PNPT1: variants seen among roughly 807,000 people sequenced by gnomAD.
PNPT1 encodes the protein polyribonucleotide nucleotidyltransferase 1.
Under a neutral mutation model 119.5 loss-of-function variants are expected in PNPT1, and 53 were observed. The ratio of observed to expected loss-of-function variants is 0.44; its 90% CI spans 0.36 to 0.56. The LOEUF is 0.56. Ranked by LOEUF, PNPT1 falls within the 20% of genes least tolerant of loss-of-function variation. The pLI, the probability that PNPT1 is intolerant of heterozygous loss-of-function variation, is 0.00. For missense variants in PNPT1, 948 were observed against 938.5 expected, an observed-to-expected ratio of 1.01 and a Z score of -0.13; for synonymous variants, 357 against 322.1, an observed-to-expected ratio of 1.11 and a Z score of -1.16.
At chr2:55,652,105 A>G (rs563933783) in intron 18 of PNPT1, among the ~76,000 whole-genome samples, 3 of 152,176 alleles carry the variant, frequency 2.0e-5, no homozygotes, top group Non-Finnish European at 4.4e-5. Flanking sequence ...CTCTCAGCCA[A>G]TTATGCTCAG....
chr2:55,661,682 T>C (rs144882874), intron 14 of PNPT1, among the ~76,000 whole-genome samples: 6 of 152,340 alleles, frequency 3.9e-5, no homozygotes, highest in African/African-American at 1.4e-4. Flanking sequence ...CAAGGAAGCC[T>C]GTCCTAAGAA....
chr2:55,675,746 G>A (rs183674849), intron 8 of PNPT1, among the ~76,000 whole-genome samples: 7 of 152,112 alleles, frequency 4.6e-5, no homozygotes, highest in Non-Finnish European at 7.4e-5. Context: ...AGTCTACAGA[G>A]CTGTGCTGTC....
At chr2:55,681,844 CA>C (rs374935154) in intron 5 of PNPT1, among the ~76,000 whole-genome samples, 34 of 129,904 alleles carry the variant, frequency 2.6e-4, no homozygotes, top group Admixed American at 3.1e-4. Flanking sequence ...AACTCCATTT[CA>C]AAAAAAAAAA....
rs557649588 is a variant in PNPT1 at position 55,656,176 on chromosome 2, A to G, written c.1396T>C (p.Phe466Leu). Residue 466 changes from phenylalanine (F) to leucine (L), a missense_variant, in exon 17 of 28, where the codon TTT (phenylalanine) becomes CTT (leucine). Transcript: ENST00000447944. ...KALYPVIPRD[F>L]PFTIRVTSEV... ...GATGTAACTCTTATGGTGAAAGGAA[A>G]ATCTCGGGGAATAACAGGATACAAA... is the stretch of plus-strand genomic sequence containing the variant. The G allele has an allele frequency of 2.5e-6, 4 of 1,613,590 alleles. No homozygotes were observed. The highest frequency in any genetic ancestry group is 2.5e-6 in the Non-Finnish European group (3 of 1,179,712).
At position 55,687,709 on chromosome 2, in the gene PNPT1, T is replaced by C. The variant is rs776951007; in HGVS notation, c.162-4A>G. On this transcript the variant is annotated splice_polypyrimidine_tract_variant and splice_region_variant and intron_variant, in intron 1 of 27. Transcript: ENST00000447944. ...TCCAGAAGATATTTCTAATTTCCTG[T>C]TTAAAAATAAAAATGCAATACAAGA... The C allele has an allele frequency of 1.9e-6, 3 of 1,600,482 alleles. No homozygotes were observed. Among genetic ancestry groups the C allele is most frequent in the Non-Finnish European group, 2.6e-6 (3 of 1,173,798 alleles).
intron 13 of PNPT1, among the ~76,000 whole-genome samples, chr2:55,663,457 A>C (rs1217945466): frequency 6.6e-6 from 1 of 152,188 alleles, no homozygotes; most frequent in Non-Finnish European, 1.5e-5. Context: ...AAAATATTTG[A>C]AGAAATAATC....
chr2:55,651,001 C>G (rs1172119088), intron 18 of PNPT1, among the ~76,000 whole-genome samples: 9 of 147,746 alleles, frequency 6.1e-5, no homozygotes, highest in African/African-American at 2.2e-4. Context: ...AGGGGCGCCT[C>G]TGCCCGGCCG....
intron 21 of PNPT1, among the ~76,000 whole-genome samples, chr2:55,646,014 G>C (rs1327460023): frequency 2.6e-5 from 4 of 151,798 alleles, no homozygotes; most frequent in African/African-American, 7.3e-5. Context: ...TTTTAGTAGA[G>C]ACAGGGTTTC....
At position 55,671,931 on chromosome 2, in the gene PNPT1, C is replaced by T. The variant is rs187701914; in HGVS notation, c.918+64G>A. On this transcript the variant is annotated intron_variant, in intron 10 of 27. Coordinates refer to ENST00000447944, the MANE Select transcript of PNPT1 (RefSeq NM_033109.5). ...GGACTAGCATTCATAAAGAAAATTA[C>T]ATGAGTTATGACAAAAATGTATTCC... 63 of 1,210,180 alleles carry T rather than the reference C, an allele frequency of 5.2e-5. No homozygotes were observed. The African/African-American group carries it at 7.5e-4, about 14-fold the overall frequency. 75.0% of individuals were successfully genotyped at this position (1,210,180 alleles called of 1,614,324 possible).
At position 55,646,558 on chromosome 2, in the gene PNPT1, T is replaced by C. The variant is rs912818337; in HGVS notation, c.1603-72A>G. On this transcript the variant is annotated intron_variant, in intron 19 of 27. Coordinates refer to ENST00000447944, the MANE Select transcript of PNPT1 (RefSeq NM_033109.5). ...AGTCAACATATTCACTGTAGAAACA[T>C]TTCAAAAAACAGCTTTAGAAGTAAA... is the stretch of plus-strand genomic sequence containing the variant. The C allele has an allele frequency of 7.8e-7, 1 of 1,289,940 alleles. No individual in the cohort carries two copies. The highest frequency in any genetic ancestry group is 1.1e-6 in the Non-Finnish European group (1 of 919,174). The allele number at this position is 1,289,940 out of a possible 1,614,324, so 79.9% of individuals were successfully genotyped here.
intron 26 of PNPT1, among the ~76,000 whole-genome samples, chr2:55,639,555 CTTGG>C (rs751920333): frequency 2.0e-5 from 3 of 152,090 alleles, no homozygotes; most frequent in Non-Finnish European, 2.9e-5. Flanking sequence ...TATTAAATAT[CTTGG>C]TTGGCTTTTT....
At chr2:55,650,501 A>G (rs1572802560) in intron 18 of PNPT1, among the ~76,000 whole-genome samples, 1 of 150,968 alleles carries the variant, frequency 6.6e-6, no homozygotes, top group Non-Finnish European at 1.5e-5. Flanking sequence ...TACAACCTTC[A>G]CCTCCCAGCA....
In PNPT1 at chr2:55,674,513, A is replaced by C. The variant is rs900016417; in HGVS notation, c.680-1434T>G. Among the ~76,000 whole-genome samples, 28 of 152,296 alleles carry C rather than the reference A, an allele frequency of 1.8e-4. 1 individual carries two copies. The highest frequency in any genetic ancestry group is 5.3e-4 in the African/African-American group (22 of 41,568). ...GAGGCTGAGGCATGAGAATCACTTG[A>C]ACCCAGGAGGTGGAGGTTGCAGTGA... On this transcript the variant is annotated intron_variant, in intron 8 of 27. Coordinates refer to ENST00000447944, the MANE Select transcript of PNPT1 (RefSeq NM_033109.5).
At chr2:55,685,474 A>C (rs1184221154) in intron 3 of PNPT1, among the ~76,000 whole-genome samples, 1 of 152,128 alleles carries the variant, frequency 6.6e-6, no homozygotes, top group East Asian at 1.9e-4. Flanking sequence ...GCTGCAGTGA[A>C]CTATGATCAC....
chr2:55,693,397 A>T (rs1234545481), intron 1 of PNPT1, among the ~76,000 whole-genome samples: 1 of 152,144 alleles, frequency 6.6e-6, no homozygotes. Flanking sequence ...CCGGAAAGTA[A>T]AGAGATCGGA....
At chr2:55,690,723 G>A (rs1403441813) in intron 1 of PNPT1, among the ~76,000 whole-genome samples, 1 of 152,066 alleles carries the variant, frequency 6.6e-6, no homozygotes, top group African/African-American at 2.4e-5. Flanking sequence ...GGGAATATTT[G>A]AGAAATTCTA....
chr2:55,683,791 A>T lies in PNPT1; in HGVS notation c.447T>A (p.Asp149Glu). ...RPLFPAGYFY[D>E]TQVLCNLLAV... is the part of the protein sequence containing the mutation. ...AACCTAAAGCAGAATCTACCTGTGT[A>T]TCATAGAAGTAGCCAGCTGGAAAGA... The change falls in exon 5 of 28, where the codon GAT (aspartate) becomes GAA (glutamate). Residue 149 changes from aspartate to glutamate, a missense_variant. Transcript: ENST00000447944. 3 of 1,613,182 alleles carry T rather than the reference A, an allele frequency of 1.9e-6. No individual in the cohort carries two copies. Among genetic ancestry groups the T allele is most frequent in the Middle Eastern group, 1.7e-4 (1 of 6,048 alleles).
chr2:55,690,304 A>T (rs1464587751), intron 1 of PNPT1, among the ~76,000 whole-genome samples: 1 of 151,826 alleles, frequency 6.6e-6, no homozygotes, highest in Non-Finnish European at 1.5e-5. Context: ...AGATTCATCA[A>T]AAGGTGTTTT....
At chr2:55,660,590 G>T (rs1696533888) in intron 14 of PNPT1, among the ~76,000 whole-genome samples, 1 of 152,240 alleles carries the variant, frequency 6.6e-6, no homozygotes, top group African/African-American at 2.4e-5. Context: ...CCTGGGATGG[G>T]GCAGAATCTG....
Sources: allele counts gnomAD v4.1 joint callset (sites outside exome capture counted in the v4.1 genomes callset), GRCh38; gene constraint gnomAD v4.1.1; transcripts MANE v1.5; gene names NCBI Gene and HGNC (gene_info 2026-07-23, HGNC 2026-07-21).